DOK6: variants seen among roughly 807,000 people sequenced by gnomAD.
The protein encoded by DOK6 is docking protein 6.
In DOK6, 22 loss-of-function variants were observed where a neutral mutation model predicts 44.0. The observed-to-expected ratio is 0.50, with a 90% CI of 0.36 to 0.71. The LOEUF (loss-of-function observed/expected upper bound fraction) is 0.71, where lower values mean the gene tolerates loss of function less well. Among genes scored for constraint, DOK6 ranks in the 30% least tolerant of loss-of-function variants. The probability of loss-of-function intolerance (pLI) is 0.00; values close to 1 mark genes in which losing one functional copy is unlikely to be tolerated. For synonymous variants in DOK6, 166 were observed against 145.5 expected, an observed-to-expected ratio of 1.14 and a Z score of -1.01; for missense variants, 340 against 416.4, an observed-to-expected ratio of 0.82 and a Z score of 1.60.
At chr18:69,666,353 T>C (rs971821748) in intron 3 of DOK6, among the ~76,000 whole-genome samples, 1 of 152,204 alleles carries the variant, frequency 6.6e-6, no homozygotes, top group Non-Finnish European at 1.5e-5. Context: ...CCCAGTTCAT[T>C]TCCTTTCCCT....
At chr18:69,509,076 A>G (rs78926935) in intron 1 of DOK6, among the ~76,000 whole-genome samples, 1,698 of 152,246 alleles carry the variant, frequency 0.011, 29 homozygotes, top group African/African-American at 0.038. Flanking sequence ...TTACATTTCC[A>G]CCATTTACTC....
chr18:69,675,243 G>A lies in DOK6; in HGVS notation c.290-2491G>A, dbSNP rs137959149. Among the ~76,000 whole-genome samples, 58 of 152,072 alleles carry A rather than the reference G, an allele frequency of 3.8e-4. No homozygotes were observed. In the South Asian group the frequency reaches 7.9e-3, roughly 21 times the overall value. Reference sequence around the variant, plus strand: ...CTTTTACTGTATGATTGCTTTCTTCGTCTCATTAAACCCTGGGACAAAAGA... The same window carrying A: ...CTTTTACTGTATGATTGCTTTCTTCATCTCATTAAACCCTGGGACAAAAGA... On this transcript the variant is annotated intron_variant, in intron 3 of 7. Transcript: ENST00000382713.
chr18:69,533,109 T>C (rs562029677), intron 1 of DOK6, among the ~76,000 whole-genome samples: 39 of 152,232 alleles, frequency 2.6e-4, no homozygotes, highest in African/African-American at 8.7e-4. Context: ...CATTTAGATG[T>C]GCTAACCCAA....
At chr18:69,526,886 T>A (rs1548053) in intron 1 of DOK6, among the ~76,000 whole-genome samples, 1 of 152,040 alleles carries the variant, frequency 6.6e-6, no homozygotes, top group African/African-American at 2.4e-5. Flanking sequence ...TGGAACCATC[T>A]GTATCTATGT....
chr18:69,525,449 G>T (rs1013147895), intron 1 of DOK6, among the ~76,000 whole-genome samples: 2 of 152,002 alleles, frequency 1.3e-5, no homozygotes, highest in Non-Finnish European at 2.9e-5. Flanking sequence ...GAAATTGAAG[G>T]TGGTAATTGT....
chr18:69,619,367 A>C (rs1207985146), intron 3 of DOK6, among the ~76,000 whole-genome samples: 1 of 152,214 alleles, frequency 6.6e-6, no homozygotes, highest in East Asian at 1.9e-4. Context: ...CTCTGTGAAT[A>C]GGTTAATCCC....
At chr18:69,761,730 C>T (rs1701091496) in intron 7 of DOK6, among the ~76,000 whole-genome samples, 1 of 152,074 alleles carries the variant, frequency 6.6e-6, no homozygotes, top group Admixed American at 6.6e-5. Context: ...GAGGTCCTCT[C>T]TAGAAGGGTG....
At position 69,840,021 on chromosome 18, in the gene DOK6, C is replaced by T. The variant is rs544603685; in HGVS notation, c.857-1223C>T. 2.6e-5 allele frequency among the ~76,000 whole-genome samples: 4 copies of T among 152,328 alleles called. No individual in the cohort carries two copies. In the East Asian group the frequency reaches 7.7e-4, roughly 29 times the overall value. The stretch of plus-strand genomic sequence containing the variant: ...GGTTAAGTGGTTCCGTTCTAATTAG[C>T]CTTTTACCACCCAGTTCATCCGAGT... On this transcript the variant is annotated intron_variant, in intron 7 of 7. Transcript: ENST00000382713.
intron 1 of DOK6, among the ~76,000 whole-genome samples, chr18:69,407,554 A>G (rs1916229434): frequency 6.6e-6 from 1 of 152,222 alleles, no homozygotes; most frequent in Non-Finnish European, 1.5e-5. Flanking sequence ...AACTTTCTGC[A>G]TAAATCCTCT....
In DOK6 at chr18:69,472,940, C is replaced by A. The variant is rs188167782; in HGVS notation, c.66+71630C>A. On this transcript the variant is annotated intron_variant, in intron 1 of 7. Coordinates refer to ENST00000382713, the MANE Select transcript of DOK6 (RefSeq NM_152721.6). ...CGTTCTTATCCATGTTGAAAAATCT[C>A]ATACTATTTGAAACCTCTTCAAAGA... is the stretch of plus-strand genomic sequence containing the variant. Among the ~76,000 whole-genome samples the A allele has an allele frequency of 1.2e-3, 183 of 152,282 alleles. 2 individuals carry two copies. In the East Asian group the frequency reaches 0.026, roughly 22 times the overall value.
At chr18:69,820,622 G>A (rs1360954756) in intron 7 of DOK6, among the ~76,000 whole-genome samples, 1 of 152,080 alleles carries the variant, frequency 6.6e-6, no homozygotes, top group Non-Finnish European at 1.5e-5. Context: ...TCATCAGAAT[G>A]TATTGTTATT....
intron 1 of DOK6, among the ~76,000 whole-genome samples, chr18:69,523,409 G>A (rs1212029693): frequency 6.6e-6 from 1 of 151,914 alleles, no homozygotes; most frequent in Non-Finnish European, 1.5e-5. Flanking sequence ...GTTTTTTAAA[G>A]ATAATTAAAC....
intron 7 of DOK6, among the ~76,000 whole-genome samples, chr18:69,767,759 G>A (rs907838106): frequency 4.6e-5 from 7 of 152,146 alleles, no homozygotes; most frequent in African/African-American, 1.4e-4. Context: ...GCATTCTACT[G>A]GCTGGACTAG....
chr18:69,474,943 G>T (rs1200913074), intron 1 of DOK6, among the ~76,000 whole-genome samples: 1 of 152,030 alleles, frequency 6.6e-6, no homozygotes, highest in African/African-American at 2.4e-5. Context: ...ATCCATTCTA[G>T]ATACTTAAAA....
chr18:69,770,538 C>A (rs1040157946), intron 7 of DOK6, among the ~76,000 whole-genome samples: 14 of 152,062 alleles, frequency 9.2e-5, no homozygotes, highest in Admixed American at 9.2e-4. Flanking sequence ...GCCATCTAAG[C>A]AATTTGTGTA....
In DOK6 at chr18:69,842,436, G is replaced by A. The variant is rs890833646; in HGVS notation, c.*1053G>A. On this transcript the variant is annotated 3_prime_UTR_variant, in exon 8 of 8. Coordinates refer to ENST00000382713, the MANE Select transcript of DOK6 (RefSeq NM_152721.6). ...AGGTTCTAAATGAAGAACTCTTTAA[G>A]AAAGAAAGAATACACCCATAAAGAA... 6.6e-6 allele frequency: 1 copy of A among 152,136 alleles called. No homozygotes were observed. The highest frequency in any genetic ancestry group is 1.5e-5 in the Non-Finnish European group (1 of 68,032). The allele number at this position is 152,136 out of a possible 1,614,324, so 9.4% of individuals were successfully genotyped here. A position where few individuals can be genotyped will look rare whatever the true frequency, so the allele number is the denominator to read the frequency against.
intron 1 of DOK6, among the ~76,000 whole-genome samples, chr18:69,441,163 C>T (rs1455292719): frequency 1.3e-5 from 2 of 152,032 alleles, no homozygotes; most frequent in Non-Finnish European, 2.9e-5. Flanking sequence ...TAAAAATACT[C>T]CTTACATGAA....
intron 1 of DOK6, among the ~76,000 whole-genome samples, chr18:69,409,443 A>G (rs1232800818): frequency 6.6e-6 from 1 of 152,212 alleles, no homozygotes; most frequent in Non-Finnish European, 1.5e-5. Flanking sequence ...ATGTGTGTAC[A>G]CACATATATA....
At chr18:69,406,926 C>T (rs355979) in intron 1 of DOK6, among the ~76,000 whole-genome samples, 11,213 of 152,024 alleles carry the variant, frequency 0.074, 1,321 homozygotes, top group African/African-American at 0.25. Context: ...ACTAAAAATA[C>T]AAAAATTAGC....
Sources: gnomAD v4.1 joint callset for allele counts (sites outside exome capture counted in the v4.1 genomes callset) on GRCh38, gnomAD v4.1.1 for gene constraint, MANE v1.5 for transcripts, NCBI Gene and HGNC (gene_info 2026-07-23, HGNC 2026-07-21) for gene names.